SLC43A3: variants seen among roughly 807,000 people sequenced by gnomAD.
SLC43A3 encodes equilibrative nucleobase transporter 1.
Under a neutral mutation model 53.3 loss-of-function variants are expected in SLC43A3, and 33 were observed. That is an observed-to-expected ratio of 0.62 (90% CI 0.47 to 0.83). The LOEUF (loss-of-function observed/expected upper bound fraction) is 0.83. Ranked by LOEUF, SLC43A3 falls within the 40% of genes least tolerant of loss-of-function variation. The pLI is 0.00. For synonymous variants in SLC43A3, 236 were observed against 246.2 expected (o/e 0.96, Z 0.39); for missense variants, 530 against 610.0 (o/e 0.87, Z 1.38).
At chr11:57,419,688 C>A (rs1942895192) in intron 7 of SLC43A3, among the ~76,000 whole-genome samples, 1 of 151,824 alleles carries the variant, frequency 6.6e-6, no homozygotes, top group Non-Finnish European at 1.5e-5. Flanking sequence ...CCCAGCTACT[C>A]AGGAGGCTGA....
intron 5 of SLC43A3, 29 bp downstream of exon 5, chr11:57,423,953 A>G (rs1163908327): frequency 6.2e-7 from 1 of 1,612,568 alleles, no homozygotes; most frequent in African/African-American, 1.3e-5. Flanking sequence ...CTGAGCTTGC[A>G]TCCCTCCCAC....
intron 13 of SLC43A3, 45 bp from the exon 14 acceptor site, chr11:57,407,941 A>C (rs975852063): frequency 6.8e-6 from 9 of 1,316,742 alleles, no homozygotes; most frequent in Non-Finnish European, 9.9e-6. Context: ...AATTCTGAAC[A>C]ACAGAACTGT....
At chr11:57,418,822 G>A (rs894925337) in intron 7 of SLC43A3, among the ~76,000 whole-genome samples, 8 of 151,812 alleles carry the variant, frequency 5.3e-5, no homozygotes, top group East Asian at 3.9e-4. Context: ...CCCGGGAGGC[G>A]GAGGTTGCAG....
At chr11:57,413,950 C>A (rs1942596298) in intron 11 of SLC43A3, among the ~76,000 whole-genome samples, 1 of 152,200 alleles carries the variant, frequency 6.6e-6, no homozygotes, top group South Asian at 2.1e-4. Context: ...AGGAAGCCTT[C>A]CCTGACACCA....
In SLC43A3 at chr11:57,410,008, A is replaced by G; in HGVS notation, c.1174T>C (p.Tyr392His). The change falls in exon 12 of 14, where the codon TAC becomes CAC. Residue 392 changes from tyrosine to histidine, a missense_variant. Physicochemically the swap from Tyr to His is moderately conservative, Grantham distance 83. This residue lies in a region of SLC43A3 where 124 missense variants were observed against 166.4 expected (regional missense o/e 0.75). Coordinates refer to ENST00000395124, the MANE Select transcript of SLC43A3 (RefSeq NM_199329.3). ...ATCACTTGCAGGATGAAGGTGAGGT[A>G]CTGGAGAGGGAGGATGGGGACTGAG... ...CASVPILPLQ[Y>H]LTFILQVISR... 1 of 1,613,356 alleles carries G rather than the reference A, an allele frequency of 6.2e-7. No homozygotes were observed. The highest frequency in any genetic ancestry group is 8.5e-7 in the Non-Finnish European group (1 of 1,179,806).
intron 13 of SLC43A3, chr11:57,408,446 A>G (rs1942301522): frequency 1.3e-5 from 2 of 154,952 alleles, no homozygotes; most frequent in African/African-American, 2.4e-5. Context: ...ACATGCCTGT[A>G]GTGTCAGCTA....
chr11:57,415,978 T>C (rs1245912926), intron 9 of SLC43A3, among the ~76,000 whole-genome samples: 1 of 152,204 alleles, frequency 6.6e-6, no homozygotes, highest in Non-Finnish European at 1.5e-5. Context: ...TCTACTTGTT[T>C]AGGAAAGTCC....
intron 10 of SLC43A3, 29 bp from the exon 11 acceptor site, chr11:57,414,760 T>C: frequency 1.3e-6 from 2 of 1,594,926 alleles, no homozygotes; most frequent in Non-Finnish European, 1.7e-6. Flanking sequence ...GGTTGGTTGA[T>C]GAGAAGTTTC....
rs1282487102 is a variant in SLC43A3, at chr11:57,407,599, G to A, written c.*193C>T. Reference sequence around the variant, plus strand: ...ACATGCCTTTGCTTTGAGTCTGTGTGATATCAATCTGCTTGGCAACTGAGA... The same window carrying A: ...ACATGCCTTTGCTTTGAGTCTGTGTAATATCAATCTGCTTGGCAACTGAGA... On this transcript the variant is annotated 3_prime_UTR_variant, in exon 14 of 14. Coordinates refer to ENST00000395124, the MANE Select transcript of SLC43A3 (RefSeq NM_199329.3). The A allele has an allele frequency of 1.6e-5, 9 of 558,972 alleles. No individual in the cohort carries two copies. 34.6% of individuals were successfully genotyped at this position (558,972 alleles called of 1,614,324 possible). A position where few individuals can be genotyped will look rare whatever the true frequency, so the allele number is the denominator to read the frequency against.
intron 5 of SLC43A3, among the ~76,000 whole-genome samples, chr11:57,422,857 T>C (rs1943047792): frequency 6.6e-6 from 1 of 152,208 alleles, no homozygotes; most frequent in Non-Finnish European, 1.5e-5. Flanking sequence ...TGGTTTGAGG[T>C]GCTGGGCCAT....
chr11:57,410,004 A>G lies in SLC43A3; in HGVS notation c.1178T>C (p.Leu393Pro), dbSNP rs1366672898. Residue 393 changes from leucine (L) to proline (P), a missense_variant, in exon 12 of 14, where the codon CTC becomes CCC. Leu to Pro is a moderately conservative substitution (Grantham distance 98, BLOSUM62 -3). Around this residue, in one of 3 missense-constraint regions of SLC43A3, gnomAD observed 124 missense variants for 166.4 expected, o/e 0.75. Coordinates refer to ENST00000395124, the MANE Select transcript of SLC43A3 (RefSeq NM_199329.3). ...ASVPILPLQY[L>P]TFILQVISRS... is the part of the protein sequence containing the mutation. ...GCTGATCACTTGCAGGATGAAGGTG[A>G]GGTACTGGAGAGGGAGGATGGGGAC... 1 of 1,613,290 alleles carries G rather than the reference A, an allele frequency of 6.2e-7. No individual in the cohort carries two copies. Among genetic ancestry groups the G allele is most frequent in the Admixed American group, 1.7e-5 (1 of 59,948 alleles).
intron 11 of SLC43A3, among the ~76,000 whole-genome samples, chr11:57,412,058 A>G (rs1210905392): frequency 6.6e-6 from 1 of 152,174 alleles, no homozygotes; most frequent in Admixed American, 6.5e-5. Flanking sequence ...AGCAATAAAA[A>G]ACCTCAGCAT....
intron 13 of SLC43A3, 196 bp from the exon 14 acceptor site, chr11:57,408,092 G>A: frequency 1.9e-6 from 1 of 540,436 alleles, no homozygotes; most frequent in South Asian, 2.2e-5. Flanking sequence ...TGCACTATCG[G>A]TTGGGGTAGA....
At chr11:57,427,278 TCCCTCTAGAA>T, upstream of SLC43A3, 1 of 152,706 alleles carries the variant, frequency 6.5e-6, no homozygotes, top group East Asian at 1.9e-4. Context: ...TTGAAACTTC[TCCCTCTAGAA>T]CCCCCTAGAA....
chr11:57,418,563 G>A (rs1312165144), intron 7 of SLC43A3, among the ~76,000 whole-genome samples: 1 of 152,062 alleles, frequency 6.6e-6, no homozygotes, highest in Non-Finnish European at 1.5e-5. Context: ...GGGCGTGATG[G>A]TGCACGCCTG....
chr11:57,414,154 C>T lies in SLC43A3; in HGVS notation c.1060+461G>A, dbSNP rs143978472. On this transcript the variant is annotated intron_variant, in intron 11 of 13. Coordinates refer to ENST00000395124, the MANE Select transcript of SLC43A3 (RefSeq NM_199329.3). ...CTGGTGTCTGGCACCATGGCTGACA[C>T]ATAACTATCACTCAGTGACTAGTGT... Among the ~76,000 whole-genome samples, 724 of 152,346 alleles carry T rather than the reference C, an allele frequency of 4.8e-3. 7 individuals are homozygous for T. Among genetic ancestry groups the T allele is most frequent in the African/African-American group, 0.016 (678 of 41,570 alleles).
rs550585536 is a variant in SLC43A3 at position 57,424,204 on chromosome 11, C to T, written c.315-176G>A. The T allele has an allele frequency of 1.5e-5, 10 of 657,692 alleles. No individual in the cohort carries two copies. In the South Asian group the frequency reaches 1.6e-4, roughly 10 times the overall value. 40.7% of individuals were successfully genotyped at this position (657,692 alleles called of 1,614,324 possible). A position where few individuals can be genotyped will look rare whatever the true frequency, so the allele number is the denominator to read the frequency against. On this transcript the variant is annotated intron_variant, in intron 4 of 13. Transcript: ENST00000395124. Reference sequence around the variant, plus strand: ...GCTCAAAACCAGGCGCAAGAAGCCGCGATGAGATTGAGATGTGGTCCTGAC... The same window carrying T: ...GCTCAAAACCAGGCGCAAGAAGCCGTGATGAGATTGAGATGTGGTCCTGAC...
In SLC43A3 at chr11:57,424,038, A is replaced by G. The variant is rs1481257353; in HGVS notation, c.315-10T>C. The G allele has an allele frequency of 1.9e-6, 3 of 1,613,814 alleles. No homozygotes were observed. Among genetic ancestry groups the G allele is most frequent in the Middle Eastern group, 1.6e-4 (1 of 6,062 alleles). On this transcript the variant is annotated splice_polypyrimidine_tract_variant and intron_variant, in intron 4 of 13. Coordinates refer to ENST00000395124, the MANE Select transcript of SLC43A3 (RefSeq NM_199329.3). ...GGTGGTGTAGAAAAATCTGAAACAC[A>G]TAACAGGAAAAGCAGAATATTGTCA...
intron 1 of SLC43A3, 132 bp from the exon 2 acceptor site, chr11:57,426,784 G>C (rs1350652358): frequency 6.6e-6 from 1 of 152,514 alleles, no homozygotes; most frequent in Non-Finnish European, 1.5e-5. Context: ...ATGGATTTCA[G>C]GAACTTGCCC....
Sources: gnomAD v4.1 joint callset for allele counts (sites outside exome capture counted in the v4.1 genomes callset) on GRCh38, gnomAD v4.1.1 for gene constraint, gnomAD v4.1.1 regional missense constraint, MANE v1.5 for transcripts, NCBI Gene and HGNC (gene_info 2026-07-23, HGNC 2026-07-21) for gene names.